The following KATNIP variants were observed in gnomAD, a reference collection of about 807,000 sequenced individuals.
The protein encoded by KATNIP is katanin interacting protein.
KATNIP carries 126 observed loss-of-function variants against 174.0 expected under a neutral mutation model. That is an observed-to-expected ratio of 0.72 (90% CI 0.63 to 0.84). The LOEUF (loss-of-function observed/expected upper bound fraction) is 0.84, where lower values mean the gene tolerates loss of function less well. Ranked by LOEUF, KATNIP falls within the 40% of genes least tolerant of loss-of-function variation. KATNIP has a pLI of 0.00. For missense variants in KATNIP, 1,958 were observed against 2,109.7 expected, an observed-to-expected ratio of 0.93 and a Z score of 1.41; for synonymous variants, 810 against 835.7, an observed-to-expected ratio of 0.97 and a Z score of 0.53.
rs989841586 is a variant in KATNIP, at chr16:27,734,194, C to G, written c.1744-5847C>G. ...GCCTTCTAGTTTCAAGTAATTCTCC[C>G]GCCTCAGCCTCTCCAGTAGCTGAGA... On this transcript the variant is annotated intron_variant, in intron 14 of 27. Coordinates refer to ENST00000261588, the MANE Select transcript of KATNIP (RefSeq NM_015202.5). 5.9e-5 allele frequency among the ~76,000 whole-genome samples: 9 copies of G among 151,752 alleles called. No individual in the cohort carries two copies. In the South Asian group the frequency reaches 6.2e-4, roughly 11 times the overall value.
intron 14 of KATNIP, among the ~76,000 whole-genome samples, 154 bp from the exon 15 acceptor site, chr16:27,739,887 G>T (rs907446610): frequency 3.3e-5 from 5 of 152,300 alleles, no homozygotes; most frequent in Middle Eastern, 3.4e-3. Context: ...ATGAGACCAA[G>T]CCTAGTTTCA....
chr16:27,701,667 A>G lies in KATNIP; in HGVS notation c.1258A>G (p.Met420Val), dbSNP rs1407905500. The change falls in exon 11 of 28, where the codon ATG becomes GTG. Residue 420 changes from methionine to valine, a missense_variant. Transcript: ENST00000261588. ...AGGARAINQA[M>V]DRIGLLGSRQ... ...AGGAGCCAGGGCCATCAACCAGGCCATGGACAGAATTGGGCTTCTGGGAAG... is the reference window on the plus strand; with the variant it reads ...AGGAGCCAGGGCCATCAACCAGGCCGTGGACAGAATTGGGCTTCTGGGAAG... 5 of 1,606,582 alleles carry G rather than the reference A, an allele frequency of 3.1e-6. No homozygotes were observed. The highest frequency in any genetic ancestry group is 3.4e-5 in the Admixed American group (2 of 59,084).
rs2077232222 is a variant in KATNIP at position 27,655,185 on chromosome 16, T to TGG, written c.540+6450_540+6451insGG. Among the ~76,000 whole-genome samples, 233 of 23,652 alleles carry TGG rather than the reference T, an allele frequency of 9.9e-3. 4 individuals are homozygous for TGG. The highest frequency in any genetic ancestry group is 0.059 in the African/African-American group (220 of 3,748). The allele number at this position is 23,652 out of a possible 152,430, so 15.5% of individuals were successfully genotyped here. On this transcript the variant is annotated intron_variant, in intron 6 of 27. Coordinates refer to ENST00000261588, the MANE Select transcript of KATNIP (RefSeq NM_015202.5). ...TGCTACCCCCTAGAATGGATATATATATATATATATATATATATATATATA... is the reference window on the plus strand; with the variant it reads ...TGCTACCCCCTAGAATGGATATATATGGATATATATATATATATATATATATA...
chr16:27,569,502 T>G (rs1054328449), intron 1 of KATNIP, among the ~76,000 whole-genome samples: 1 of 152,262 alleles, frequency 6.6e-6, no homozygotes, highest in Non-Finnish European at 1.5e-5. Context: ...CCTGCAAAAT[T>G]CAGAGGAACA....
chr16:27,651,737 G>A (rs1340323593), intron 6 of KATNIP, among the ~76,000 whole-genome samples: 1 of 152,020 alleles, frequency 6.6e-6, no homozygotes, highest in East Asian at 1.9e-4. Flanking sequence ...TATTTATTTT[G>A]AGACGTTGTC....
At chr16:27,612,727 C>A (rs957118776) in intron 2 of KATNIP, among the ~76,000 whole-genome samples, 2 of 151,884 alleles carry the variant, frequency 1.3e-5, no homozygotes, top group Admixed American at 6.6e-5. Flanking sequence ...CCACTGAACT[C>A]CAGCCTGGGC....
chr16:27,638,390 G>A (rs962248559), intron 5 of KATNIP, among the ~76,000 whole-genome samples: 7 of 152,334 alleles, frequency 4.6e-5, no homozygotes, highest in Admixed American at 4.6e-4. Flanking sequence ...AAGAAGTGGA[G>A]TTAAGTCCAA....
intron 21 of KATNIP, 46 bp from the exon 22 acceptor site, chr16:27,771,542 T>G (rs1365797844): frequency 1.9e-6 from 3 of 1,587,910 alleles, no homozygotes; most frequent in Non-Finnish European, 2.6e-6. Flanking sequence ...CTGGTGATTC[T>G]GGGCCGTCGT....
chr16:27,752,326 G>A lies in KATNIP; in HGVS notation c.3552+402G>A, dbSNP rs181023747. 2.4e-3 allele frequency among the ~76,000 whole-genome samples: 359 copies of A among 152,226 alleles called. 2 individuals are homozygous for A. Among genetic ancestry groups the A allele is most frequent in the African/African-American group, 8.3e-3 (345 of 41,530 alleles). On this transcript the variant is annotated intron_variant, in intron 17 of 27. Transcript: ENST00000261588. Reference sequence around the variant, plus strand: ...TACAGTTAAAATAATGATCATCACAGCCATGGTTTCATGAACACATATCAT... The same window carrying A: ...TACAGTTAAAATAATGATCATCACAACCATGGTTTCATGAACACATATCAT...
At chr16:27,605,519 T>C (rs1305235340) in intron 2 of KATNIP, among the ~76,000 whole-genome samples, 1 of 152,186 alleles carries the variant, frequency 6.6e-6, no homozygotes, top group South Asian at 2.1e-4. Flanking sequence ...CAATAAAGAA[T>C]GGTACATAGC....
chr16:27,773,251 G>A (rs374249785), intron 23 of KATNIP, 42 bp downstream of exon 23: 1 of 1,351,380 alleles, frequency 7.4e-7, no homozygotes, highest in Non-Finnish European at 1.0e-6. Context: ...CCAGACTGAA[G>A]GGAGCATGGG....
rs746689650 is a variant in KATNIP, at chr16:27,740,631, C to T, written c.2334C>T (p.Pro778=). ...AGCCAAAACCCCTCTGGCTTAGTCCCGAGAAGCCCCTGGCCTGGAAGGGCA... is the reference window on the plus strand; with the variant it reads ...AGCCAAAACCCCTCTGGCTTAGTCCTGAGAAGCCCCTGGCCTGGAAGGGCA... ...GRKPKPLWLS[P]EKPLAWKGRL... is the part of the protein sequence containing the mutation. The change falls in exon 15 of 28, where the codon CCC becomes CCT. Residue 778 remains proline, a synonymous_variant. Transcript: ENST00000261588. 5.0e-6 allele frequency: 8 copies of T among 1,614,082 alleles called. No homozygotes were observed. The Admixed American group carries it at 5.0e-5, about 10-fold the overall frequency.
intron 14 of KATNIP, among the ~76,000 whole-genome samples, chr16:27,731,053 C>T (rs138018629): frequency 6.6e-6 from 1 of 152,330 alleles, no homozygotes; most frequent in African/African-American, 2.4e-5. Flanking sequence ...CCTTCACCTA[C>T]AGCTGGTTGT....
At chr16:27,578,811 C>T (rs1178505226) in intron 2 of KATNIP, among the ~76,000 whole-genome samples, 1 of 152,078 alleles carries the variant, frequency 6.6e-6, no homozygotes, top group African/African-American at 2.4e-5. Context: ...CTCCTGCCCT[C>T]AAGGGATCCG....
At chr16:27,654,762 C>T (rs976843794) in intron 6 of KATNIP, 27 of 1,351,468 alleles carry the variant, frequency 2.0e-5, no homozygotes, top group Admixed American at 5.7e-5. Flanking sequence ...AGCATCCTAA[C>T]CCCTAAGGGC....
intron 14 of KATNIP, among the ~76,000 whole-genome samples, chr16:27,733,687 A>G (rs1172535043): frequency 6.6e-6 from 1 of 152,164 alleles, no homozygotes; most frequent in African/African-American, 2.4e-5. Flanking sequence ...TCATGGAAGA[A>G]GACAGAAGAA....
intron 1 of KATNIP, among the ~76,000 whole-genome samples, chr16:27,573,624 T>C (rs1193639079): frequency 6.6e-6 from 1 of 152,240 alleles, no homozygotes; most frequent in African/African-American, 2.4e-5. Flanking sequence ...CTACAGTCCC[T>C]CAGCCCTTTC....
At chr16:27,566,990 TG>T (rs2090116970) in intron 1 of KATNIP, among the ~76,000 whole-genome samples, 1 of 152,250 alleles carries the variant, frequency 6.6e-6, no homozygotes, top group Admixed American at 6.5e-5. Context: ...AATAGCCTAT[TG>T]GCTTCACTAA....
chr16:27,747,967 A>G (rs1158275833), intron 15 of KATNIP, among the ~76,000 whole-genome samples: 3 of 152,162 alleles, frequency 2.0e-5, no homozygotes, highest in Non-Finnish European at 2.9e-5. Flanking sequence ...GAGATAATTG[A>G]TGGAGCCGAG....
Sources: gnomAD v4.1 joint callset for allele counts (sites outside exome capture counted in the v4.1 genomes callset) on GRCh38, gnomAD v4.1.1 for gene constraint, MANE v1.5 for transcripts, NCBI Gene and HGNC (gene_info 2026-07-23, HGNC 2026-07-21) for gene names.